Variants in SLC24A3 observed in about 807,000 individuals in gnomAD.
The protein encoded by SLC24A3 is solute carrier family 24 member 3.
In SLC24A3, 28 loss-of-function variants were observed where a neutral mutation model predicts 75.8. That is an observed-to-expected ratio of 0.37 (90% CI 0.27 to 0.51). The LOEUF is 0.51. Ranked by LOEUF, SLC24A3 falls within the 20% of genes least tolerant of loss-of-function variation. SLC24A3 has a pLI of 0.94. For synonymous variants in SLC24A3, 372 were observed against 334.1 expected (o/e 1.11, Z -1.24); for missense variants, 663 against 847.8 (o/e 0.78, Z 2.71).
chr20:19,281,205 T>C, intron 2 of SLC24A3, 118 bp downstream of exon 2: 1 of 1,446,662 alleles, frequency 6.9e-7, no homozygotes, highest in Non-Finnish European at 9.3e-7. Flanking sequence ...CAAAGATGTT[T>C]AGGATGGGAG....
At chr20:19,356,232 C>G (rs1439101960) in intron 2 of SLC24A3, among the ~76,000 whole-genome samples, 3 of 152,218 alleles carry the variant, frequency 2.0e-5, no homozygotes, top group African/African-American at 7.2e-5. Flanking sequence ...AAGACATAAA[C>G]TGTTTGCAAA....
chr20:19,255,681 A>G (rs539514650), intron 1 of SLC24A3, among the ~76,000 whole-genome samples: 3 of 152,240 alleles, frequency 2.0e-5, no homozygotes, highest in Non-Finnish European at 2.9e-5. Context: ...TACGGGAGCC[A>G]TGAGCCACAC....
intron 2 of SLC24A3, among the ~76,000 whole-genome samples, chr20:19,347,763 G>A (rs541166278): frequency 5.3e-4 from 81 of 152,278 alleles, no homozygotes; most frequent in African/African-American, 1.9e-3. Flanking sequence ...CAGTTCAGGG[G>A]CTGGTCACTC....
intron 2 of SLC24A3, among the ~76,000 whole-genome samples, chr20:19,401,238 C>A (rs935912635): frequency 6.6e-6 from 1 of 152,196 alleles, no homozygotes; most frequent in East Asian, 1.9e-4. Context: ...AAGCACGAGT[C>A]CACAGAAGTG....
intron 2 of SLC24A3, among the ~76,000 whole-genome samples, chr20:19,303,671 T>TA (rs1600419825): frequency 6.6e-6 from 1 of 152,226 alleles, no homozygotes; most frequent in East Asian, 1.9e-4. Context: ...TGGACTGCTT[T>TA]ATCTTCTAAA....
chr20:19,512,614 C>T (rs1483463217), intron 2 of SLC24A3, among the ~76,000 whole-genome samples: 1 of 152,250 alleles, frequency 6.6e-6, no homozygotes, highest in Non-Finnish European at 1.5e-5. Context: ...AAGCCTGTCA[C>T]TTACTGACAT....
chr20:19,505,593 G>A (rs776498200), intron 2 of SLC24A3, among the ~76,000 whole-genome samples: 1 of 152,134 alleles, frequency 6.6e-6, no homozygotes, highest in Admixed American at 6.5e-5. Context: ...ACCAATCATA[G>A]GCATGTTACC....
At chr20:19,707,589 A>G (rs1021549807) in intron 15 of SLC24A3, among the ~76,000 whole-genome samples, 23 of 152,214 alleles carry the variant, frequency 1.5e-4, no homozygotes, top group Admixed American at 1.5e-3. Context: ...GCAAGAGTGG[A>G]TGAGGGGAGA....
intron 2 of SLC24A3, among the ~76,000 whole-genome samples, chr20:19,435,007 C>G (rs12625222): frequency 0.027 from 4,170 of 152,268 alleles, 168 homozygotes; most frequent in East Asian, 0.1. Flanking sequence ...TAGTCTTCCC[C>G]GTAGCTTGAG....
chr20:19,417,661 G>A (rs903898043), intron 2 of SLC24A3, among the ~76,000 whole-genome samples: 7 of 152,176 alleles, frequency 4.6e-5, no homozygotes, highest in Admixed American at 1.3e-4. Context: ...GAACAATTAC[G>A]TAAACTTCTA....
At chr20:19,670,526 A>G (rs777660214) in intron 8 of SLC24A3, among the ~76,000 whole-genome samples, 10 of 152,232 alleles carry the variant, frequency 6.6e-5, no homozygotes, top group Non-Finnish European at 1.0e-4. Context: ...AAGAGCATAC[A>G]TACGCCTGTT....
intron 2 of SLC24A3, among the ~76,000 whole-genome samples, chr20:19,381,180 G>T (rs889208730): frequency 6.6e-6 from 1 of 152,070 alleles, no homozygotes. Context: ...TCAATTCATT[G>T]TTTCAGTGAA....
Position 19,566,485 on chromosome 20 carries a change from C to A in SLC24A3, c.349-13515C>A, listed in dbSNP as rs544460070. Among the ~76,000 whole-genome samples the A allele has an allele frequency of 2.0e-5, 3 of 152,334 alleles. No homozygotes were observed. The South Asian group carries it at 6.2e-4, about 32-fold the overall frequency. ...GGACTCCCACACTTCTCATTGCTCA[C>A]TGCCTCCACCCTGTGCCTGTCATTC... is the stretch of plus-strand genomic sequence containing the variant. On this transcript the variant is annotated intron_variant, in intron 3 of 16. Coordinates refer to ENST00000328041, the MANE Select transcript of SLC24A3 (RefSeq NM_020689.4).
intron 13 of SLC24A3, 55 bp from the exon 14 acceptor site, chr20:19,696,742 G>A: frequency 8.3e-7 from 1 of 1,211,706 alleles, no homozygotes; most frequent in Non-Finnish European, 1.2e-6. Flanking sequence ...AAGAATCATG[G>A]GCAGGTGGGG....
intron 2 of SLC24A3, among the ~76,000 whole-genome samples, chr20:19,287,579 T>C (rs1246655055): frequency 1.3e-5 from 2 of 152,230 alleles, no homozygotes; most frequent in Non-Finnish European, 2.9e-5. Flanking sequence ...AACCCAAATT[T>C]ATGTCTGCCA....
chr20:19,545,867 G>A (rs6136770), intron 3 of SLC24A3, among the ~76,000 whole-genome samples: 1 of 152,046 alleles, frequency 6.6e-6, no homozygotes, highest in Non-Finnish European at 1.5e-5. Context: ...CCATAAAACA[G>A]GTCATCGACC....
chr20:19,363,246 G>A (rs763397092), intron 2 of SLC24A3, among the ~76,000 whole-genome samples: 3 of 152,200 alleles, frequency 2.0e-5, no homozygotes, highest in African/African-American at 4.8e-5. Flanking sequence ...TCGAAGGGCC[G>A]TGGGCCCTTT....
At chr20:19,340,440 C>G (rs890092424) in intron 2 of SLC24A3, among the ~76,000 whole-genome samples, 1 of 152,212 alleles carries the variant, frequency 6.6e-6, no homozygotes, top group African/African-American at 2.4e-5. Flanking sequence ...GCCTCCAGAA[C>G]TGTCAGAGAA....
Position 19,427,829 on chromosome 20 carries a change from C to T in SLC24A3, c.272-87659C>T, listed in dbSNP as rs114206593. On this transcript the variant is annotated intron_variant, in intron 2 of 16. Coordinates refer to ENST00000328041, the MANE Select transcript of SLC24A3 (RefSeq NM_020689.4). ...TGTCTGGAAAGGGGCTTTTATCTCCCGTCAGGGAACAGGCTCTTCATTTCC... is the reference window on the plus strand; with the variant it reads ...TGTCTGGAAAGGGGCTTTTATCTCCTGTCAGGGAACAGGCTCTTCATTTCC... Among the ~76,000 whole-genome samples the T allele has an allele frequency of 3.2e-3, 492 of 152,332 alleles. 5 individuals carry two copies. The highest frequency in any genetic ancestry group is 0.011 in the African/African-American group (473 of 41,576).
Sources: gnomAD v4.1 joint callset for allele counts (sites outside exome capture counted in the v4.1 genomes callset) on GRCh38, gnomAD v4.1.1 for gene constraint, MANE v1.5 for transcripts, NCBI Gene and HGNC (gene_info 2026-07-23, HGNC 2026-07-21) for gene names.